Variants in MAP4K4 observed in about 807,000 individuals in gnomAD.
MAP4K4 encodes the protein mitogen-activated protein kinase kinase kinase kinase 4.
MAP4K4 carries 38 observed loss-of-function variants against 189.6 expected under a neutral mutation model. The observed-to-expected ratio is 0.20, with a 90% CI of 0.15 to 0.26. The LOEUF (loss-of-function observed/expected upper bound fraction) is 0.26. Among genes scored for constraint, MAP4K4 ranks in the 10% least tolerant of loss-of-function variants. The pLI, the probability that MAP4K4 is intolerant of heterozygous loss-of-function variation, is 1.00. For synonymous variants in MAP4K4, 610 were observed against 624.3 expected, an observed-to-expected ratio of 0.98 and a Z score of 0.34; for missense variants, 1,054 against 1,726.9, an observed-to-expected ratio of 0.61 and a Z score of 6.91.
At position 101,830,303 on chromosome 2, in the gene MAP4K4, G is replaced by C. The variant is rs1438235442; in HGVS notation, c.508+709G>C. Among the ~76,000 whole-genome samples, 4 of 152,122 alleles carry C rather than the reference G, an allele frequency of 2.6e-5. No individual in the cohort carries two copies. The East Asian group carries it at 7.7e-4, about 29-fold the overall frequency. ...TAGCATTGTGACTTCATTGTAGTAG[G>C]TGCTTGATAAATTTCTGCGTGGTTA... On this transcript the variant is annotated intron_variant, in intron 6 of 32. Coordinates refer to ENST00000324219, the Ensembl canonical transcript of MAP4K4.
At chr2:101,730,950 G>T (rs1321286362) in intron 2 of MAP4K4, among the ~76,000 whole-genome samples, 1 of 151,582 alleles carries the variant, frequency 6.6e-6, no homozygotes, top group Non-Finnish European at 1.5e-5. Context: ...GGGAGCCTGC[G>T]CAGGAGAATA....
intron 2 of MAP4K4, among the ~76,000 whole-genome samples, chr2:101,784,908 C>T (rs1394111420): frequency 2.6e-5 from 4 of 152,104 alleles, no homozygotes; most frequent in African/African-American, 9.7e-5. Flanking sequence ...TTTAGTTTCT[C>T]CATCTGTGAG....
exon 15 of MAP4K4, chr2:101,859,794 A>T: frequency 1.2e-6 from 2 of 1,611,350 alleles, no homozygotes; most frequent in Non-Finnish European, 1.7e-6. Flanking sequence ...CCGCAGCAGG[A>T]AAGGAGCAAG....
chr2:101,729,724 CAT>C (rs1265408597), intron 2 of MAP4K4, among the ~76,000 whole-genome samples: 1 of 152,190 alleles, frequency 6.6e-6, no homozygotes, highest in East Asian at 1.9e-4. Flanking sequence ...CTCTTGCCCA[CAT>C]GTGTCTAACT....
chr2:101,719,822 G>C (rs1022692394), intron 2 of MAP4K4, among the ~76,000 whole-genome samples: 4 of 151,960 alleles, frequency 2.6e-5, no homozygotes, highest in Non-Finnish European at 4.4e-5. Context: ...GACCAGTCTG[G>C]CCAATATGGT....
intron 2 of MAP4K4, among the ~76,000 whole-genome samples, chr2:101,786,297 G>A (rs1299236947): frequency 6.6e-6 from 1 of 151,930 alleles, no homozygotes; most frequent in Non-Finnish European, 1.5e-5. Context: ...ATGGTTTTTC[G>A]AGTGTGAGGT....
intron 2 of MAP4K4, among the ~76,000 whole-genome samples, chr2:101,781,270 C>G (rs1404942284): frequency 6.6e-6 from 1 of 152,142 alleles, no homozygotes; most frequent in African/African-American, 2.4e-5. Flanking sequence ...GGGCGCTATC[C>G]TTTGTAATGC....
chr2:101,888,428 G>T (rs1334195984), intron 31 of MAP4K4, among the ~76,000 whole-genome samples: 1 of 152,064 alleles, frequency 6.6e-6, no homozygotes, highest in Non-Finnish European at 1.5e-5. Context: ...AACTATTTTG[G>T]TTTTATTGTA....
At chr2:101,698,122 C>T (rs1400568669) in exon 1 of MAP4K4, 11 of 1,265,646 alleles carry the variant, frequency 8.7e-6, no homozygotes, top group African/African-American at 6.4e-5. Context: ...TGGACATCGA[C>T]CTCTCCTCCC....
intron 28 of MAP4K4, among the ~76,000 whole-genome samples, chr2:101,884,392 T>A (rs1302089184): frequency 6.6e-6 from 1 of 152,234 alleles, no homozygotes; most frequent in African/African-American, 2.4e-5. Context: ...CAGACTGTTA[T>A]AAACCTTTGT....
At chr2:101,892,918 T>G (rs1257593643) in exon 33 of MAP4K4, 4 of 456,272 alleles carry the variant, frequency 8.8e-6, no homozygotes, top group Non-Finnish European at 1.8e-5. Context: ...TCTTGTCGAG[T>G]TCTGAGTGGA....
At chr2:101,789,997 A>T (rs1359226633) in intron 2 of MAP4K4, among the ~76,000 whole-genome samples, 1 of 152,090 alleles carries the variant, frequency 6.6e-6, no homozygotes, top group Non-Finnish European at 1.5e-5. Context: ...TTATACACTT[A>T]AAAAAAATCC....
At chr2:101,714,678 G>C (rs976801998) in intron 2 of MAP4K4, among the ~76,000 whole-genome samples, 1 of 152,166 alleles carries the variant, frequency 6.6e-6, no homozygotes, top group Admixed American at 6.5e-5. Flanking sequence ...ATCATGTGCA[G>C]AATTCATTTG....
At chr2:101,863,923 C>A in exon 17 of MAP4K4, 1 of 1,367,716 alleles carries the variant, frequency 7.3e-7, no homozygotes, top group Non-Finnish European at 9.8e-7. Flanking sequence ...CCACCATCTT[C>A]GTTCTCAGGA....
chr2:101,760,962 C>T (rs572421312), intron 2 of MAP4K4, among the ~76,000 whole-genome samples: 15 of 152,282 alleles, frequency 9.9e-5, no homozygotes, highest in Middle Eastern at 3.4e-3. Flanking sequence ...GAGATCGCGC[C>T]ATTGCACTCC....
rs370721552 is a variant in MAP4K4 at position 101,845,507 on chromosome 2, C to T, written c.1233+1196C>T. ...CAGACCTAGATGGTACAGCCTACTG[C>T]GCACCTAGACTATGTGGTGTGGCCT... On this transcript the variant is annotated intron_variant, in intron 12 of 32. Coordinates refer to ENST00000324219, the Ensembl canonical transcript of MAP4K4. 5.9e-5 allele frequency among the ~76,000 whole-genome samples: 9 copies of T among 152,276 alleles called. No individual in the cohort carries two copies. In the East Asian group the frequency reaches 7.7e-4, roughly 13 times the overall value.
chr2:101,803,293 GTC>G (rs879416695), intron 3 of MAP4K4, among the ~76,000 whole-genome samples: 89 of 142,476 alleles, frequency 6.2e-4, no homozygotes, highest in African/African-American at 2.7e-3. Context: ...TTGTGTGTGT[GTC>G]TGTCTGTGTC....
exon 33 of MAP4K4, chr2:101,891,291 A>C (rs759928029): frequency 6.5e-7 from 1 of 1,546,090 alleles, no homozygotes; most frequent in African/African-American, 1.4e-5. Context: ...AGAGTCTTCA[A>C]GATCCTGAGA....
At chr2:101,709,237 C>G (rs1344870926) in intron 2 of MAP4K4, among the ~76,000 whole-genome samples, 1 of 152,222 alleles carries the variant, frequency 6.6e-6, no homozygotes, top group African/African-American at 2.4e-5. Flanking sequence ...GAGCCTCACT[C>G]TGTCGCCCAG....
Sources: allele counts gnomAD v4.1 joint callset (sites outside exome capture counted in the v4.1 genomes callset), GRCh38; gene constraint gnomAD v4.1.1; transcripts MANE v1.5; gene names NCBI Gene and HGNC (gene_info 2026-07-23, HGNC 2026-07-21).